GPCPD1: variants seen among roughly 807,000 people sequenced by gnomAD.
The protein encoded by GPCPD1 is glycerophosphocholine phosphodiesterase 1, also known as glycerophosphocholine phosphodiesterase GPCPD1.
A neutral mutation model predicts 89.2 loss-of-function variants in GPCPD1; 29 were observed. The observed-to-expected ratio is 0.33, with a 90% confidence interval of 0.24 to 0.44. GPCPD1 has a LOEUF of 0.44. GPCPD1 is among the 20% of genes least tolerant of loss of function. The pLI, the probability that GPCPD1 is intolerant of heterozygous loss-of-function variation, is 1.00. For synonymous variants in GPCPD1, 258 were observed against 266.3 expected, an observed-to-expected ratio of 0.97 and a Z score of 0.30; for missense variants, 594 against 808.9, an observed-to-expected ratio of 0.73 and a Z score of 3.22.
intron 2 of GPCPD1, among the ~76,000 whole-genome samples, chr20:5,601,726 C>T (rs750389823): frequency 6.6e-6 from 1 of 152,084 alleles, no homozygotes; most frequent in Non-Finnish European, 1.5e-5. Flanking sequence ...TTCTCATCCC[C>T]CACATAAAAC....
chr20:5,604,373 G>A lies in GPCPD1; in HGVS notation c.40C>T (p.Leu14Phe). The A allele has an allele frequency of 3.4e-6, 5 of 1,484,744 alleles. No homozygotes were observed. The highest frequency in any genetic ancestry group is 4.7e-6 in the Non-Finnish European group (5 of 1,067,012). The allele number at this position is 1,484,744 out of a possible 1,614,324, so 92.0% of individuals were successfully genotyped here. ...SQVAFEIRGT[L>F]LPGEVFAICG... ...AAAACTTTTACAATACCTGGTAAAA[G>A]AGTTCCTCTTATTTCAAAGGCAACC... Residue 14 changes from leucine to phenylalanine, a missense_variant, in exon 2 of 20, where the codon CTT becomes TTT. By Grantham distance (22) the Leu-to-Phe change is conservative (BLOSUM62 0). Transcript: ENST00000379019.
intron 15 of GPCPD1, among the ~76,000 whole-genome samples, chr20:5,562,986 CTTTTT>C (rs199811350): frequency 1.4e-5 from 2 of 142,642 alleles, no homozygotes; most frequent in Non-Finnish European, 3.1e-5. Flanking sequence ...GTTAAAATTT[CTTTTT>C]TTTTTTTTTG....
intron 6 of GPCPD1, 128 bp from the exon 7 acceptor site, chr20:5,580,259 A>G (rs1978363872): frequency 1.9e-6 from 1 of 533,870 alleles, no homozygotes; most frequent in Non-Finnish European, 3.4e-6. Flanking sequence ...AAGGAAATAC[A>G]TTTTTTAATG....
chr20:5,609,660 T>C (rs541833224), intron 1 of GPCPD1, among the ~76,000 whole-genome samples: 53 of 152,304 alleles, frequency 3.5e-4, no homozygotes, highest in African/African-American at 1.3e-3. Context: ...TGAGTTTTCT[T>C]TTGTGGTCAT....
At chr20:5,581,620 C>T (rs1254930280) in intron 6 of GPCPD1, among the ~76,000 whole-genome samples, 1 of 152,074 alleles carries the variant, frequency 6.6e-6, no homozygotes, top group Non-Finnish European at 1.5e-5. Context: ...CGTGACAACA[C>T]TGTTGGCATT....
chr20:5,599,278 GGTGGCTCACACCTGTAATCCC>G (rs1979958409), intron 2 of GPCPD1, among the ~76,000 whole-genome samples: 1 of 152,046 alleles, frequency 6.6e-6, no homozygotes, highest in South Asian at 2.1e-4. Context: ...GGCCAGGCGT[GGTGGCTCACACCTGTAATCCC>G]AGCACTCTGG....
chr20:5,576,886 G>GTAGGTTTATTAAAAGT (rs1978290671), intron 8 of GPCPD1, among the ~76,000 whole-genome samples: 1 of 151,942 alleles, frequency 6.6e-6, no homozygotes, highest in Admixed American at 6.6e-5. Context: ...TTATTAAAAG[G>GTAGGTTTATTAAAAGT]TAGGTTTATT....
intron 11 of GPCPD1, among the ~76,000 whole-genome samples, chr20:5,571,197 G>T (rs1171013504): frequency 1.3e-5 from 2 of 152,166 alleles, no homozygotes; most frequent in African/African-American, 4.8e-5. Flanking sequence ...AGAGTCTGGC[G>T]AGGAAGCCTA....
intron 8 of GPCPD1, 66 bp from the exon 9 acceptor site, chr20:5,576,044 C>T (rs1246681112): frequency 1.1e-5 from 6 of 523,782 alleles, no homozygotes; most frequent in East Asian, 7.6e-5. Flanking sequence ...TACATATACA[C>T]ACACACACAC....
At chr20:5,564,502 GA>G (rs1186941157) in intron 15 of GPCPD1, among the ~76,000 whole-genome samples, 5 of 152,044 alleles carry the variant, frequency 3.3e-5, no homozygotes, top group Admixed American at 6.5e-5. Context: ...CTTGGGGAAA[GA>G]AAAAAAGTAG....
intron 8 of GPCPD1, among the ~76,000 whole-genome samples, chr20:5,576,312 C>T (rs1204483641): frequency 6.6e-6 from 1 of 150,446 alleles, no homozygotes; most frequent in Non-Finnish European, 1.5e-5. Flanking sequence ...CCCAGCTACT[C>T]GGGAGGCTAA....
At chr20:5,582,423 T>C (rs2122704011) in intron 6 of GPCPD1, among the ~76,000 whole-genome samples, 3 of 152,160 alleles carry the variant, frequency 2.0e-5, no homozygotes, top group South Asian at 4.1e-4. Flanking sequence ...CTACCATACA[T>C]AAACATATAT....
In GPCPD1 at chr20:5,581,019, G is replaced by A. The variant is rs140572546; in HGVS notation, c.350-888C>T. On this transcript the variant is annotated intron_variant, in intron 6 of 19. Coordinates refer to ENST00000379019, the MANE Select transcript of GPCPD1 (RefSeq NM_019593.5). ...CTCCCAAGTAGCTGGGATTATAGGCGCCCACCATGCCCAGCTGACTTGTAT... is the reference window on the plus strand; with the variant it reads ...CTCCCAAGTAGCTGGGATTATAGGCACCCACCATGCCCAGCTGACTTGTAT... 5.3e-3 allele frequency among the ~76,000 whole-genome samples: 810 copies of A among 151,836 alleles called. 5 individuals carry two copies. The highest frequency in any genetic ancestry group is 8.3e-3 in the Non-Finnish European group (561 of 67,928).
chr20:5,576,433 A>C (rs1305144962), intron 8 of GPCPD1, among the ~76,000 whole-genome samples: 1 of 152,010 alleles, frequency 6.6e-6, no homozygotes, highest in Non-Finnish European at 1.5e-5. Context: ...AAAAAAAAAA[A>C]AAAAAAATTC....
At chr20:5,564,838 TCA>T (rs111846425) in intron 15 of GPCPD1, among the ~76,000 whole-genome samples, 177 bp downstream of exon 15, 2 of 150,382 alleles carry the variant, frequency 1.3e-5, no homozygotes, top group African/African-American at 2.4e-5. Context: ...GGATTGTCAC[TCA>T]CACACACACA....
Position 5,558,110 on chromosome 20 carries a change from A to G in GPCPD1, c.1669-5T>C. 6.4e-7 allele frequency: 1 copy of G among 1,554,388 alleles called. No homozygotes were observed. The highest frequency in any genetic ancestry group is 1.2e-5 in the South Asian group (1 of 83,668). ...TTCAGTATGTACATTTATCCCCTAG[A>G]AGAAGAAAAATTAGTTGTGCATGAA... On this transcript the variant is annotated splice_polypyrimidine_tract_variant and splice_region_variant and intron_variant, in intron 18 of 19. Coordinates refer to ENST00000379019, the MANE Select transcript of GPCPD1 (RefSeq NM_019593.5).
intron 4 of GPCPD1, among the ~76,000 whole-genome samples, chr20:5,590,758 G>A (rs1979274327): frequency 6.6e-6 from 1 of 152,102 alleles, no homozygotes; most frequent in African/African-American, 2.4e-5. Flanking sequence ...ATCTATCGCA[G>A]GTGACTGATT....
intron 3 of GPCPD1, among the ~76,000 whole-genome samples, chr20:5,597,057 C>T (rs1244467100): frequency 6.6e-6 from 1 of 152,056 alleles, no homozygotes; most frequent in Non-Finnish European, 1.5e-5. Context: ...ACCAGAGTGG[C>T]TGATCTGAAA....
intron 4 of GPCPD1, 119 bp downstream of exon 4, chr20:5,593,208 G>A (rs1979454880): frequency 1.7e-6 from 1 of 578,416 alleles, no homozygotes; most frequent in Admixed American, 2.9e-5. Context: ...TATTAATCAA[G>A]AGTTCTATTC....
Sources: gnomAD v4.1 joint callset for allele counts (sites outside exome capture counted in the v4.1 genomes callset) on GRCh38, gnomAD v4.1.1 for gene constraint, MANE v1.5 for transcripts, NCBI Gene and HGNC (gene_info 2026-07-23, HGNC 2026-07-21) for gene names.